Variants in SPATA31D1 observed in about 807,000 individuals in gnomAD.
The protein encoded by SPATA31D1 is SPATA31 subfamily D member 1, also known as spermatogenesis-associated protein 31D1.
SPATA31D1 carries 6 observed loss-of-function variants against 13.2 expected under a neutral mutation model. That is an observed-to-expected ratio of 0.46 (90% confidence interval 0.25 to 0.90). The LOEUF is 0.90. Ranked by LOEUF, SPATA31D1 falls within the 40% of genes least tolerant of loss-of-function variation. The pLI is 0.18. For synonymous variants in SPATA31D1, 903 were observed against 718.8 expected (o/e 1.26, Z -4.10); for missense variants, 2,445 against 1,884.7 (o/e 1.30, Z -5.50).
Position 81,991,454 on chromosome 9 carries a change from A to T in SPATA31D1, c.984A>T (p.Leu328Phe). 6.2e-7 allele frequency: 1 copy of T among 1,613,990 alleles called. No individual in the cohort carries two copies. The highest frequency in any genetic ancestry group is 1.3e-5 in the African/African-American group (1 of 75,036). ...LTILKTFPEM[L>F]SLGGSGGSST... ...TCTTGAAGACTTTTCCGGAAATGTT[A>T]TCTCTAGGTGGCTCTGGTGGGTCAT... Residue 328 changes from leucine (L) to phenylalanine (F), a missense_variant, in exon 4 of 4, where the codon TTA becomes TTT. Transcript: ENST00000344803.
chr9:81,991,723 A>G lies in SPATA31D1; in HGVS notation c.1253A>G (p.Gln418Arg), dbSNP rs374891671. The G allele has an allele frequency of 4.3e-6, 7 of 1,613,726 alleles. No homozygotes were observed. In the African/African-American group the frequency reaches 8.0e-5, roughly 18 times the overall value. ...SHDILALLERQVKKRGDFLMW... is the reference protein window; with the variant it reads ...SHDILALLERRVKKRGDFLMW... ...GACATTCTGGCACTCCTGGAGAGAC[A>G]AGTCAAAAAAAGGGGTGATTTCCTG... The change falls in exon 4 of 4, where the codon CAA becomes CGA. Residue 418 changes from glutamine to arginine, a missense_variant. Transcript: ENST00000344803.
At position 81,993,988 on chromosome 9, in the gene SPATA31D1, A is replaced by G; in HGVS notation, c.3518A>G (p.Asn1173Ser). The G allele has an allele frequency of 1.2e-6, 2 of 1,613,848 alleles. No homozygotes were observed. The highest frequency in any genetic ancestry group is 1.7e-6 in the Non-Finnish European group (2 of 1,179,746). ...TSKSGSCSLT[N>S]VKASTSNETE... is the part of the protein sequence containing the mutation. The stretch of plus-strand genomic sequence containing the variant: ...AAGTCAGGAAGCTGCTCACTGACAA[A>G]TGTGAAAGCAAGCACTTCCAATGAA... Residue 1173 changes from asparagine to serine, a missense_variant, in exon 4 of 4, where the codon AAT (asparagine) becomes AGT (serine). Asn to Ser is a conservative substitution (Grantham distance 46). Transcript: ENST00000344803.
Position 81,990,945 on chromosome 9 carries a change from T to G in SPATA31D1, c.475T>G (p.Leu159Val), listed in dbSNP as rs746736679. 6.2e-7 allele frequency: 1 copy of G among 1,613,924 alleles called. No individual in the cohort carries two copies. The highest frequency in any genetic ancestry group is 8.5e-7 in the Non-Finnish European group (1 of 1,179,864). ...AGATGCTGCTCCCTCTGTGTCCCCT[T>G]TGGCTTCTTCGGCTTCTGCGACTGA... ...LKDAAPSVSPLASSASATESS... is the reference protein window; with the variant it reads ...LKDAAPSVSPVASSASATESS... Residue 159 changes from leucine (L) to valine (V), a missense_variant, in exon 4 of 4, where the codon TTG becomes GTG. Leu to Val is a conservative substitution (Grantham distance 32). Transcript: ENST00000344803.
At position 81,991,887 on chromosome 9, in the gene SPATA31D1, A is replaced by C; in HGVS notation, c.1417A>C (p.Ser473Arg). 1 of 1,613,772 alleles carries C rather than the reference A, an allele frequency of 6.2e-7. No individual in the cohort carries two copies. The highest frequency in any genetic ancestry group is 8.5e-7 in the Non-Finnish European group (1 of 1,179,718). The change falls in exon 4 of 4, where the codon AGT (serine) becomes CGT (arginine). Residue 473 changes from serine (S) to arginine (R), a missense_variant. Transcript: ENST00000344803. ...GGCAGAATCCTTTCCTTTTTGGGCCAGTAAAGGCAAACTAGAATGGCAGCA... is the reference window on the plus strand; with the variant it reads ...GGCAGAATCCTTTCCTTTTTGGGCCCGTAAAGGCAAACTAGAATGGCAGCA... ...DLAESFPFWASKGKLEWQHIH... is the reference protein window; with the variant it reads ...DLAESFPFWARKGKLEWQHIH...
In SPATA31D1 at chr9:81,992,290, A is replaced by G. The variant is rs1437428928; in HGVS notation, c.1820A>G (p.His607Arg). The G allele has an allele frequency of 3.1e-6, 5 of 1,613,658 alleles. No individual in the cohort carries two copies. Among genetic ancestry groups the G allele is most frequent in the Non-Finnish European group, 3.4e-6 (4 of 1,179,730 alleles). ...ATTAGGATCTGTGGAGTGTGTTTTC[A>G]TAGACCCCAGAACGAGGCACGGTCT... ...FLIRICGVCF[H>R]RPQNEARSLL... Residue 607 changes from histidine (H) to arginine (R), a missense_variant, in exon 4 of 4, where the codon CAT becomes CGT. Transcript: ENST00000344803.
chr9:81,993,297 G>T lies in SPATA31D1; in HGVS notation c.2827G>T (p.Asp943Tyr), dbSNP rs561516052. The change falls in exon 4 of 4, where the codon GAC (aspartate) becomes TAC (tyrosine). Residue 943 changes from aspartate to tyrosine, a missense_variant. Asp to Tyr is a radical substitution (Grantham distance 160). Coordinates refer to ENST00000344803, the MANE Select transcript of SPATA31D1 (RefSeq NM_001001670.3). ...CCTTTCCACTTCCTTTTCCCATTTC[G>T]ACCTTCCCTCCTCAGCCACCTTCAT... is the stretch of plus-strand genomic sequence containing the variant. ...ADLSTSFSHF[D>Y]LPSSATFISQ... 2.7e-5 allele frequency: 43 copies of T among 1,613,640 alleles called. No individual in the cohort carries two copies. Among genetic ancestry groups the T allele is most frequent in the African/African-American group, 1.6e-4 (12 of 74,804 alleles).
At chr9:81,990,728 G>A in intron 3 of SPATA31D1, 45 bp from the exon 4 acceptor site, 4 of 1,558,702 alleles carry the variant, frequency 2.6e-6, no homozygotes, top group Non-Finnish European at 3.5e-6. Flanking sequence ...ACCCACCCCT[G>A]CCAGGCTAAC....
At position 81,995,192 on chromosome 9, in the gene SPATA31D1, C is replaced by CA. The variant is rs1016424540; in HGVS notation, c.4723dup (p.Thr1575AsnfsTer?). 2 of 1,522,148 alleles carry CA rather than the reference C, an allele frequency of 1.3e-6. No homozygotes were observed. Among genetic ancestry groups the CA allele is most frequent in the African/African-American group, 2.8e-5 (2 of 72,112 alleles). The allele number at this position is 1,522,148 out of a possible 1,614,324, so 94.3% of individuals were successfully genotyped here. Reference sequence around the variant, plus strand: ...ATTTACAGGGAGGAAAATTTCCCCCCACAAAATAATTCACTCCTTGTTGAG... The same window carrying CA: ...ATTTACAGGGAGGAAAATTTCCCCCCAACAAAATAATTCACTCCTTGTTGAG... On this transcript the variant is annotated frameshift_variant, in exon 4 of 4. Coordinates refer to ENST00000344803, the MANE Select transcript of SPATA31D1 (RefSeq NM_001001670.3). LOFTEE classifies it high-confidence loss of function.
intron 1 of SPATA31D1, among the ~76,000 whole-genome samples, chr9:81,989,332 G>A (rs1017227060): frequency 1.3e-5 from 2 of 152,166 alleles, no homozygotes; most frequent in South Asian, 2.1e-4. Flanking sequence ...GAAGGAGAAC[G>A]GTCTCTGCTG....
In SPATA31D1 at chr9:81,993,153, C is replaced by T; in HGVS notation, c.2683C>T (p.Leu895Phe). Reference sequence around the variant, plus strand: ...TGATACTTCCCAGGAAATTTCCTTCCTTAGTTCCAACAAACAAAAGATGTT... The same window carrying T: ...TGATACTTCCCAGGAAATTTCCTTCTTTAGTTCCAACAAACAAAAGATGTT... Reference protein sequence around the residue: ...CVDTSQEISFLSSNKQKMLEA... With the variant: ...CVDTSQEISFFSSNKQKMLEA... The change falls in exon 4 of 4, where the codon CTT becomes TTT. Residue 895 changes from leucine to phenylalanine, a missense_variant. Transcript: ENST00000344803. 2 of 1,613,952 alleles carry T rather than the reference C, an allele frequency of 1.2e-6. No individual in the cohort carries two copies. Among genetic ancestry groups the T allele is most frequent in the Middle Eastern group, 1.6e-4 (1 of 6,062 alleles).
rs754710462 is a variant in SPATA31D1 at position 81,991,802 on chromosome 9, A to G, written c.1332A>G (p.Pro444=). Residue 444 remains proline (P), a synonymous_variant, in exon 4 of 4, where the codon CCA becomes CCG. Coordinates refer to ENST00000344803, the MANE Select transcript of SPATA31D1 (RefSeq NM_001001670.3). ...KPGSFPKQLR[P]NYQLNSSRNM... ...GATCATTCCCAAAACAACTTAGGCC[A>G]AACTACCAACTAAATTCCTCACGGA... 2.5e-6 allele frequency: 4 copies of G among 1,613,812 alleles called. No individual in the cohort carries two copies. The highest frequency in any genetic ancestry group is 2.2e-5 in the South Asian group (2 of 91,074).
At position 81,994,431 on chromosome 9, in the gene SPATA31D1, C is replaced by T. The variant is rs763860009; in HGVS notation, c.3961C>T (p.Leu1321Phe). 1.2e-6 allele frequency: 2 copies of T among 1,613,728 alleles called. No individual in the cohort carries two copies. Among genetic ancestry groups the T allele is most frequent in the Non-Finnish European group, 1.7e-6 (2 of 1,179,782 alleles). ...GACATCCCAACGCAGGAGAAAGAGCCTCCCTGTTCATAACAAGACATCAGG... is the reference window on the plus strand; with the variant it reads ...GACATCCCAACGCAGGAGAAAGAGCTTCCCTGTTCATAACAAGACATCAGG... ...LGTSQRRRKS[L>F]PVHNKTSGEV... The change falls in exon 4 of 4, where the codon CTC becomes TTC. Residue 1321 changes from leucine to phenylalanine, a missense_variant. Physicochemically the swap from Leu to Phe is conservative, Grantham distance 22 (BLOSUM62 0). Coordinates refer to ENST00000344803, the MANE Select transcript of SPATA31D1 (RefSeq NM_001001670.3).
Position 81,991,977 on chromosome 9 carries a change from C to G in SPATA31D1, c.1507C>G (p.Leu503Val), listed in dbSNP as rs377421419. 75 of 1,613,684 alleles carry G rather than the reference C, an allele frequency of 4.6e-5. No individual in the cohort carries two copies. Among genetic ancestry groups the G allele is most frequent in the Non-Finnish European group, 6.3e-5 (74 of 1,179,736 alleles). Residue 503 changes from leucine (L) to valine (V), a missense_variant, in exon 4 of 4, where the codon CTC (leucine) becomes GTC (valine). Leu to Val is a conservative substitution (Grantham distance 32, BLOSUM62 1). Coordinates refer to ENST00000344803, the MANE Select transcript of SPATA31D1 (RefSeq NM_001001670.3). ...EDHLEQKYVQ[L>V]FWGLPSLHSE... ...CCATTTAGAGCAAAAATATGTCCAG[C>G]TCTTCTGGGGTCTCCCATCTTTGCA...
Position 81,992,856 on chromosome 9 carries a change from G to C in SPATA31D1, c.2386G>C (p.Asp796His). 2 of 1,613,808 alleles carry C rather than the reference G, an allele frequency of 1.2e-6. No individual in the cohort carries two copies. Among genetic ancestry groups the C allele is most frequent in the Non-Finnish European group, 1.7e-6 (2 of 1,179,726 alleles). Residue 796 changes from aspartate to histidine, a missense_variant, in exon 4 of 4, where the codon GAT becomes CAT. Coordinates refer to ENST00000344803, the MANE Select transcript of SPATA31D1 (RefSeq NM_001001670.3). Reference protein sequence around the residue: ...LHGPETSSDKDLRSNSERDLE... With the variant: ...LHGPETSSDKHLRSNSERDLE... ...TGGTCCGGAGACTTCTTCAGACAAG[G>C]ATCTGAGGTCTAACTCTGAGAGAGA...
chr9:81,990,118 G>A, intron 2 of SPATA31D1: 1 of 522,306 alleles, frequency 1.9e-6, no homozygotes, highest in South Asian at 2.9e-5. Flanking sequence ...CAGAGCTTCT[G>A]TCTCACAACT....
chr9:81,993,310 C>T lies in SPATA31D1; in HGVS notation c.2840C>T (p.Ser947Leu), dbSNP rs1396568375. 1.9e-6 allele frequency: 3 copies of T among 1,614,002 alleles called. No homozygotes were observed. The highest frequency in any genetic ancestry group is 2.5e-6 in the Non-Finnish European group (3 of 1,179,896). ...TTTTCCCATTTCGACCTTCCCTCCTCAGCCACCTTCATCTCTCAGGGAGAT... is the reference window on the plus strand; with the variant it reads ...TTTTCCCATTTCGACCTTCCCTCCTTAGCCACCTTCATCTCTCAGGGAGAT... ...TSFSHFDLPS[S>L]ATFISQGDSK... Residue 947 changes from serine (S) to leucine (L), a missense_variant, in exon 4 of 4, where the codon TCA (serine) becomes TTA (leucine). Coordinates refer to ENST00000344803, the MANE Select transcript of SPATA31D1 (RefSeq NM_001001670.3).
At chr9:81,987,836 C>T (rs1464175581), upstream of SPATA31D1, among the ~76,000 whole-genome samples, 2 of 152,168 alleles carry the variant, frequency 1.3e-5, no homozygotes, top group African/African-American at 2.4e-5. Context: ...ACTCTCCCTG[C>T]TTCTGAGATT....
rs367867592 is a variant in SPATA31D1 at position 81,992,609 on chromosome 9, A to G, written c.2139A>G (p.Leu713=). The change falls in exon 4 of 4, where the codon CTA becomes CTG. Residue 713 remains leucine, a synonymous_variant. Coordinates refer to ENST00000344803, the MANE Select transcript of SPATA31D1 (RefSeq NM_001001670.3). ...PRRIHESLSL[L]RPQSKISELS... ...GAATCCATGAGTCTCTGTCATTGCT[A>G]CGTCCTCAGAGCAAAATTTCAGAGC... The G allele has an allele frequency of 8.1e-6, 13 of 1,612,920 alleles. No homozygotes were observed. The highest frequency in any genetic ancestry group is 6.7e-5 in the East Asian group (3 of 44,892).
At chr9:81,990,591 T>C (rs1209491724) in intron 3 of SPATA31D1, 105 bp downstream of exon 3, 16 of 1,366,934 alleles carry the variant, frequency 1.2e-5, no homozygotes, top group Non-Finnish European at 1.6e-5. Flanking sequence ...GTTTTGGGAG[T>C]GGGTAGCCAT....
Sources: allele counts gnomAD v4.1 joint callset (sites outside exome capture counted in the v4.1 genomes callset), GRCh38; gene constraint gnomAD v4.1.1; transcripts MANE v1.5; gene names NCBI Gene and HGNC (gene_info 2026-07-23, HGNC 2026-07-21).